RNF43: variants seen among roughly 807,000 people sequenced by gnomAD.
RNF43 encodes ring finger protein 43, also known as E3 ubiquitin-protein ligase RNF43.
Under a neutral mutation model 78.4 loss-of-function variants are expected in RNF43, and 37 were observed. The ratio of observed to expected loss-of-function variants is 0.47; its 90% CI spans 0.36 to 0.62. The LOEUF (loss-of-function observed/expected upper bound fraction) is 0.62, where lower values mean the gene tolerates loss of function less well. Among genes scored for constraint, RNF43 ranks in the 20% least tolerant of loss-of-function variants. The probability of loss-of-function intolerance (pLI) is 0.00; values close to 1 mark genes in which losing one functional copy is unlikely to be tolerated. For synonymous variants in RNF43, 347 were observed against 395.0 expected (o/e 0.88, Z 1.44); for missense variants, 774 against 1,007.9 (o/e 0.77, Z 3.14).
chr17:58,391,402 G>A (rs142023544), intron 2 of RNF43, among the ~76,000 whole-genome samples: 39 of 152,190 alleles, frequency 2.6e-4, no homozygotes, highest in Middle Eastern at 6.8e-3. Context: ...GGAAATTAAC[G>A]ATTTAGTTAT....
intron 2 of RNF43, among the ~76,000 whole-genome samples, chr17:58,404,763 C>T (rs1973871259): frequency 6.6e-6 from 1 of 152,204 alleles, no homozygotes; most frequent in South Asian, 2.1e-4. Context: ...TTTATTTCTT[C>T]CCTTATGGAA....
Position 58,357,497 on chromosome 17 carries a change from G to A in RNF43, c.2279C>T (p.Pro760Leu), listed in dbSNP as rs760426158. Residue 760 changes from proline (P) to leucine (L), a missense_variant, in exon 9 of 10, where the codon CCG becomes CTG. By Grantham distance (98) the Pro-to-Leu change is moderately conservative. Transcript: ENST00000407977. This position sits in a 1 kb window ranked among gnomAD's most constrained non-coding sequence, Gnocchi z 4.5. ...DTAEGRPCPYPHCQVLSAQPG... is the reference protein window; with the variant it reads ...DTAEGRPCPYLHCQVLSAQPG... ...CTGGGCCGACAGCACCTGGCAGTGCGGATAAGGGCATGGCCTGCCCTCTGC... is the reference window on the plus strand; with the variant it reads ...CTGGGCCGACAGCACCTGGCAGTGCAGATAAGGGCATGGCCTGCCCTCTGC... 1.3e-5 allele frequency: 21 copies of A among 1,614,108 alleles called. No individual in the cohort carries two copies. The highest frequency in any genetic ancestry group is 1.6e-4 in the Middle Eastern group (1 of 6,084).
At chr17:58,375,979 C>T (rs2143539586) in intron 2 of RNF43, among the ~76,000 whole-genome samples, 1 of 152,270 alleles carries the variant, frequency 6.6e-6, no homozygotes. Flanking sequence ...GCAGAAGGGC[C>T]TGTGGTGAAG....
chr17:58,404,467 A>G (rs1320865878), intron 2 of RNF43, among the ~76,000 whole-genome samples: 1 of 152,270 alleles, frequency 6.6e-6, no homozygotes, highest in African/African-American at 2.4e-5. Flanking sequence ...GGGGCAACTC[A>G]GTAATCCCAA....
rs145579681 is a variant in RNF43 at position 58,400,153 on chromosome 17, T to C, written c.252+15173A>G. Among the ~76,000 whole-genome samples the C allele has an allele frequency of 4.6e-5, 7 of 152,266 alleles. No individual in the cohort carries two copies. The East Asian group carries it at 1.4e-3, about 29-fold the overall frequency. On this transcript the variant is annotated intron_variant, in intron 2 of 9. Coordinates refer to ENST00000407977, the MANE Select transcript of RNF43 (RefSeq NM_017763.6). The stretch of plus-strand genomic sequence containing the variant: ...CATACAAAGGTCCAGGGCAGATAAG[T>C]GATTCACCGTACCACAAGTAACAGG...
At chr17:58,371,518 G>A (rs1353518967) in intron 2 of RNF43, among the ~76,000 whole-genome samples, 1 of 152,246 alleles carries the variant, frequency 6.6e-6, no homozygotes, top group East Asian at 1.9e-4. Flanking sequence ...TCCTCGGGAT[G>A]CCCCCAGGCA....
At chr17:58,378,584 G>A (rs1402145771) in intron 2 of RNF43, among the ~76,000 whole-genome samples, 1 of 152,168 alleles carries the variant, frequency 6.6e-6, no homozygotes, top group Non-Finnish European at 1.5e-5. Flanking sequence ...GTGTATTCCT[G>A]CTTCATCGTA....
Position 58,360,848 on chromosome 17 carries a change from A to G in RNF43, c.784T>C (p.Ser262Pro), listed in dbSNP as rs2143446245. 1 of 1,613,016 alleles carries G rather than the reference A, an allele frequency of 6.2e-7. No homozygotes were observed. Residue 262 changes from serine (S) to proline (P), a missense_variant, in exon 7 of 10, where the codon TCA becomes CCA. Coordinates refer to ENST00000407977, the MANE Select transcript of RNF43 (RefSeq NM_017763.6). This position sits in a 1 kb window ranked among gnomAD's most constrained non-coding sequence, Gnocchi z 4.3. Reference protein sequence around the residue: ...CRQARGEWPDSGSSCSSAPVC... With the variant: ...CRQARGEWPDPGSSCSSAPVC... ...GGGGCTGAGCTGCAGCTGCTCCCTG[A>G]GTCTGGCCACTCACCCCGGGCCTGC... is the stretch of plus-strand genomic sequence containing the variant.
rs1972811483 is a variant in RNF43, at chr17:58,360,470, T to C, written c.850-219A>G. ...GCAACTTTCTTAACAGACAGTTTTC[T>C]GCTGTAAAATGAAGATAAAAAAATG... On this transcript the variant is annotated intron_variant, in intron 7 of 9. Transcript: ENST00000407977. The surrounding 1 kb of genome is among the most constrained non-coding windows in gnomAD (Gnocchi z 4.3). Among the ~76,000 whole-genome samples, 1 of 152,248 alleles carries C rather than the reference T, an allele frequency of 6.6e-6. No individual in the cohort carries two copies. Among genetic ancestry groups the C allele is most frequent in the Admixed American group, 6.5e-5 (1 of 15,294 alleles).
At chr17:58,376,147 G>A (rs1358669088) in intron 2 of RNF43, among the ~76,000 whole-genome samples, 1 of 152,152 alleles carries the variant, frequency 6.6e-6, no homozygotes, top group Non-Finnish European at 1.5e-5. Flanking sequence ...CAGGAGGCTG[G>A]CCCCTGGGAG....
At chr17:58,361,682 A>G (rs1331372004) in intron 6 of RNF43, among the ~76,000 whole-genome samples, 1 of 152,206 alleles carries the variant, frequency 6.6e-6, no homozygotes, top group Non-Finnish European at 1.5e-5. Flanking sequence ...TGGCCTCAAC[A>G]GTCCAATACA....
intron 2 of RNF43, among the ~76,000 whole-genome samples, chr17:58,412,853 A>G (rs768832114): frequency 2.0e-5 from 3 of 151,992 alleles, no homozygotes; most frequent in African/African-American, 2.4e-5. Context: ...TGTTCTCATA[A>G]CTGTACATTT....
In RNF43 at chr17:58,354,617, G is replaced by T; in HGVS notation, c.*326C>A. 1 of 433,684 alleles carries T rather than the reference G, an allele frequency of 2.3e-6. No homozygotes were observed. The highest frequency in any genetic ancestry group is 2.5e-5 in the South Asian group (1 of 39,882). 26.9% of individuals were successfully genotyped at this position (433,684 alleles called of 1,614,324 possible). On this transcript the variant is annotated 3_prime_UTR_variant, in exon 10 of 10. Coordinates refer to ENST00000407977, the MANE Select transcript of RNF43 (RefSeq NM_017763.6). ...AGGAGCAGCACCTTTGTAACACCTG[G>T]CTACCCATAGCTAGCTTTCTGCCCT...
intron 2 of RNF43, among the ~76,000 whole-genome samples, chr17:58,391,616 T>C: frequency 6.6e-6 from 1 of 152,136 alleles, no homozygotes; most frequent in East Asian, 1.9e-4. Flanking sequence ...CTCAGTGTCG[T>C]TTGAACTGTT....
chr17:58,406,442 G>A (rs2143663016), intron 2 of RNF43, among the ~76,000 whole-genome samples: 1 of 152,202 alleles, frequency 6.6e-6, no homozygotes, highest in South Asian at 2.1e-4. Flanking sequence ...CTTGAAATTT[G>A]ATGATTATAT....
In RNF43 at chr17:58,360,670, T is replaced by A; in HGVS notation, c.849+113A>T. ...TGATCTCTGCCTCATGCAGGACACA[T>A]GGGAAACAGATGTAGCCAGGGTACC... On this transcript the variant is annotated intron_variant, in intron 7 of 9. Transcript: ENST00000407977. The surrounding 1 kb of genome is among the most constrained non-coding windows in gnomAD (Gnocchi z 4.3). 2 of 1,177,010 alleles carry A rather than the reference T, an allele frequency of 1.7e-6. No homozygotes were observed. The highest frequency in any genetic ancestry group is 4.9e-5 in the East Asian group (2 of 40,592). The allele number at this position is 1,177,010 out of a possible 1,614,324, so 72.9% of individuals were successfully genotyped here.
intron 9 of RNF43, among the ~76,000 whole-genome samples, chr17:58,355,545 G>T (rs1972669539): frequency 6.6e-6 from 1 of 152,180 alleles, no homozygotes; most frequent in African/African-American, 2.4e-5. Flanking sequence ...GGAACTACAA[G>T]AATTGTTTAC....
chr17:58,394,220 A>T (rs886600296), intron 2 of RNF43, among the ~76,000 whole-genome samples: 15 of 152,338 alleles, frequency 9.8e-5, no homozygotes, highest in African/African-American at 3.6e-4. Context: ...AAATGAAAGA[A>T]AGAATGTGAG....
In RNF43 at chr17:58,358,205, G is replaced by T. The variant is rs750204206; in HGVS notation, c.1571C>A (p.Pro524His). 5.0e-6 allele frequency: 8 copies of T among 1,613,446 alleles called. No homozygotes were observed. The highest frequency in any genetic ancestry group is 6.8e-6 in the Non-Finnish European group (8 of 1,179,644). Residue 524 changes from proline (P) to histidine (H), a missense_variant, in exon 9 of 10, where the codon CCT becomes CAT. Transcript: ENST00000407977. The surrounding 1 kb of genome is among the most constrained non-coding windows in gnomAD (Gnocchi z 6.2). ...GGAACGAGGCCGAGAGGTCACACTA[G>T]GCTGCATGTCCACTCGCTGGGGATC... ...KGDPQRVDMQ[P>H]SVTSRPRSLD...
Sources: gnomAD v4.1 joint callset for allele counts (sites outside exome capture counted in the v4.1 genomes callset) on GRCh38, gnomAD v4.1.1 for gene constraint, Gnocchi (gnomAD v3.1) non-coding constraint, MANE v1.5 for transcripts, NCBI Gene and HGNC (gene_info 2026-07-23, HGNC 2026-07-21) for gene names.